SLC4A10: variants seen among roughly 807,000 people sequenced by gnomAD.
SLC4A10 encodes the protein solute carrier family 4 member 10, also known as sodium-driven chloride bicarbonate exchanger.
SLC4A10 carries 42 observed loss-of-function variants against 137.7 expected under a neutral mutation model. That is an observed-to-expected ratio of 0.30 (90% CI 0.24 to 0.39). SLC4A10 has a LOEUF of 0.39. Among genes scored for constraint, SLC4A10 ranks in the 10% least tolerant of loss-of-function variants. SLC4A10 has a pLI of 1.00. For missense variants in SLC4A10, 925 were observed against 1,355.0 expected (o/e 0.68, Z 4.98); for synonymous variants, 474 against 464.1 (o/e 1.02, Z -0.27).
chr2:161,838,466 C>T (rs947973171), intron 3 of SLC4A10, among the ~76,000 whole-genome samples: 3 of 152,032 alleles, frequency 2.0e-5, no homozygotes, highest in African/African-American at 7.2e-5. Flanking sequence ...AACACACACA[C>T]ACAAATCAGA....
At chr2:161,957,785 T>C (rs1167743315) in intron 20 of SLC4A10, among the ~76,000 whole-genome samples, 3 of 152,188 alleles carry the variant, frequency 2.0e-5, no homozygotes, top group Non-Finnish European at 2.9e-5. Flanking sequence ...TTTAAGAGGA[T>C]TAACTAGTAA....
At chr2:161,807,155 A>G (rs889366959) in intron 3 of SLC4A10, among the ~76,000 whole-genome samples, 1 of 152,086 alleles carries the variant, frequency 6.6e-6, no homozygotes, top group Non-Finnish European at 1.5e-5. Context: ...CACAGGAAAG[A>G]CCTGCCCCCC....
At chr2:161,923,398 G>A (rs753100771) in intron 15 of SLC4A10, among the ~76,000 whole-genome samples, 1 of 152,068 alleles carries the variant, frequency 6.6e-6, no homozygotes, top group Non-Finnish European at 1.5e-5. Context: ...CTATGAGCTT[G>A]TGATAGTAAC....
intron 1 of SLC4A10, among the ~76,000 whole-genome samples, chr2:161,651,812 C>T (rs1308442404): frequency 5.3e-5 from 6 of 113,384 alleles, no homozygotes; most frequent in Admixed American, 1.0e-4. Flanking sequence ...CCCTGCTCTG[C>T]GCCTAGCTTG....
intron 1 of SLC4A10, among the ~76,000 whole-genome samples, chr2:161,712,004 C>A (rs2044343739): frequency 1.3e-5 from 2 of 151,830 alleles, no homozygotes; most frequent in African/African-American, 4.8e-5. Flanking sequence ...GGGCTATTGG[C>A]AAGACTTTGT....
At chr2:161,838,736 A>G (rs1325662187) in intron 3 of SLC4A10, among the ~76,000 whole-genome samples, 4 of 152,244 alleles carry the variant, frequency 2.6e-5, no homozygotes, top group African/African-American at 7.2e-5. Flanking sequence ...TGTCAACAAT[A>G]ACCATTATAG....
At chr2:161,641,652 T>C (rs909078696) in intron 1 of SLC4A10, among the ~76,000 whole-genome samples, 5 of 152,106 alleles carry the variant, frequency 3.3e-5, no homozygotes, top group South Asian at 2.1e-4. Flanking sequence ...TTGGTTATCA[T>C]GAAGACTAAA....
chr2:161,885,363 C>T (rs938721518), intron 10 of SLC4A10, among the ~76,000 whole-genome samples: 1 of 152,088 alleles, frequency 6.6e-6, no homozygotes, highest in Non-Finnish European at 1.5e-5. Context: ...ATTCAGTATT[C>T]GTTTTTATGA....
intron 3 of SLC4A10, among the ~76,000 whole-genome samples, chr2:161,829,481 A>G (rs1667597): frequency 0.26 from 38,839 of 151,946 alleles, 6,228 homozygotes; most frequent in African/African-American, 0.46. Context: ...CATTTAATTA[A>G]TTGCCGAGTT....
chr2:161,753,849 A>G (rs760438936), intron 1 of SLC4A10, among the ~76,000 whole-genome samples: 19 of 142,766 alleles, frequency 1.3e-4, no homozygotes, highest in Non-Finnish European at 2.3e-4. Flanking sequence ...CTGTTAAATA[A>G]CTCGAGTTAT....
chr2:161,828,022 A>G (rs941669367), intron 3 of SLC4A10, among the ~76,000 whole-genome samples: 2 of 151,724 alleles, frequency 1.3e-5, no homozygotes, highest in African/African-American at 4.8e-5. Context: ...CTAGCGTCTT[A>G]CTCCTGGGTT....
intron 3 of SLC4A10, among the ~76,000 whole-genome samples, chr2:161,815,021 C>T (rs983972739): frequency 6.6e-6 from 1 of 152,054 alleles, no homozygotes; most frequent in Non-Finnish European, 1.5e-5. Flanking sequence ...TATTTTATAA[C>T]AAAAATAGTA....
intron 1 of SLC4A10, among the ~76,000 whole-genome samples, chr2:161,679,639 C>T (rs748159265): frequency 2.0e-5 from 3 of 150,810 alleles, no homozygotes; most frequent in Non-Finnish European, 4.4e-5. Flanking sequence ...CTTTCTAAAT[C>T]TCTGGAATCT....
chr2:161,831,141 C>T (rs2058410725), intron 3 of SLC4A10, among the ~76,000 whole-genome samples: 1 of 152,080 alleles, frequency 6.6e-6, no homozygotes, highest in African/African-American at 2.4e-5. Flanking sequence ...GAAGATGAGG[C>T]TAATGAGTTA....
At chr2:161,684,038 C>A (rs866595130) in intron 1 of SLC4A10, among the ~76,000 whole-genome samples, 6 of 152,244 alleles carry the variant, frequency 3.9e-5, no homozygotes, top group East Asian at 1.9e-4. Flanking sequence ...ACAATAACTC[C>A]CATTCCCTTC....
intron 1 of SLC4A10, among the ~76,000 whole-genome samples, chr2:161,690,651 G>T (rs981712335): frequency 6.6e-6 from 1 of 152,140 alleles, no homozygotes; most frequent in African/African-American, 2.4e-5. Flanking sequence ...CATGAACATG[G>T]ATGGAGCAGA....
chr2:161,881,818 A>T (rs913022575), intron 9 of SLC4A10, among the ~76,000 whole-genome samples: 7 of 152,002 alleles, frequency 4.6e-5, no homozygotes, highest in Non-Finnish European at 7.4e-5. Context: ...TAAATAATAG[A>T]TCATTAACTC....
At chr2:161,703,846 A>G (rs2043372447) in intron 1 of SLC4A10, among the ~76,000 whole-genome samples, 2 of 151,668 alleles carry the variant, frequency 1.3e-5, no homozygotes, top group African/African-American at 2.4e-5. Context: ...AACTGACCCT[A>G]TGTGTTGTGG....
intron 18 of SLC4A10, among the ~76,000 whole-genome samples, chr2:161,949,613 A>T (rs1164748811): frequency 6.6e-6 from 1 of 152,070 alleles, no homozygotes; most frequent in Non-Finnish European, 1.5e-5. Context: ...TGGAAAACAG[A>T]TAAAAATAGA....
Sources: allele counts gnomAD v4.1 joint callset (sites outside exome capture counted in the v4.1 genomes callset), GRCh38; gene constraint gnomAD v4.1.1; transcripts MANE v1.5; gene names NCBI Gene and HGNC (gene_info 2026-07-23, HGNC 2026-07-21).